Variants in SHISA6 observed in about 807,000 individuals in gnomAD.
SHISA6 encodes the protein protein shisa-6.
A neutral mutation model predicts 47.9 loss-of-function variants in SHISA6; 22 were observed. The observed-to-expected ratio is 0.46, with a 90% CI of 0.33 to 0.66. SHISA6 has a LOEUF of 0.66. Among genes scored for constraint, SHISA6 ranks in the 30% least tolerant of loss-of-function variants. SHISA6 has a pLI of 0.02. For synonymous variants in SHISA6, 388 were observed against 337.8 expected (o/e 1.15, Z -1.63); for missense variants, 680 against 764.6 (o/e 0.89, Z 1.30).
intron 3 of SHISA6, among the ~76,000 whole-genome samples, chr17:11,386,160 G>T (rs752075462): frequency 2.0e-5 from 3 of 152,166 alleles, no homozygotes; most frequent in Admixed American, 6.5e-5. Context: ...CAGATCACCT[G>T]AGGTCAAGAG....
rs559318988 is a variant in SHISA6 at position 11,460,502 on chromosome 17, C to T, written c.895+80993C>T. 1.3e-4 allele frequency among the ~76,000 whole-genome samples: 20 copies of T among 152,316 alleles called. No individual in the cohort carries two copies. In the South Asian group the frequency reaches 4.2e-3, roughly 32 times the overall value. ...CACCTCCCGGGTGCAAGCGATTCTC[C>T]TGCCTCAGCCTCCTGAGTAGCTGGG... On this transcript the variant is annotated intron_variant, in intron 3 of 5. Transcript: ENST00000441885.
chr17:11,439,716 C>T (rs1204666970), intron 3 of SHISA6, among the ~76,000 whole-genome samples: 1 of 152,178 alleles, frequency 6.6e-6, no homozygotes, highest in Non-Finnish European at 1.5e-5. Flanking sequence ...ATAAGTCCTT[C>T]CTTCCACCCT....
intron 3 of SHISA6, among the ~76,000 whole-genome samples, chr17:11,394,420 T>C (rs1469718117): frequency 2.0e-5 from 3 of 152,230 alleles, no homozygotes; most frequent in Non-Finnish European, 4.4e-5. Flanking sequence ...GACAGTCCCT[T>C]CCACCTCTGT....
intron 3 of SHISA6, among the ~76,000 whole-genome samples, chr17:11,419,399 G>A (rs971145164): frequency 6.6e-6 from 1 of 152,114 alleles, no homozygotes; most frequent in Non-Finnish European, 1.5e-5. Flanking sequence ...GGACAGGAGA[G>A]ATAGGCACTG....
At chr17:11,545,153 T>TA (rs35283114) in intron 3 of SHISA6, among the ~76,000 whole-genome samples, 60,393 of 144,244 alleles carry the variant, frequency 0.42, 12,694 homozygotes, top group East Asian at 0.59. Context: ...GTCGATGGTT[T>TA]AAAAAAAAAA....
At chr17:11,263,341 A>G (rs1379690034) in intron 1 of SHISA6, 25 bp from the exon 2 acceptor site, 1 of 1,551,292 alleles carries the variant, frequency 6.4e-7, no homozygotes. Context: ...AGTGAATCTC[A>G]TTATGTGATC....
rs1228541770 is a variant in SHISA6 at position 11,563,412 on chromosome 17, C to G, written c.*5108C>G. On this transcript the variant is annotated 3_prime_UTR_variant, in exon 6 of 6. Transcript: ENST00000441885. Reference sequence around the variant, plus strand: ...GTCCTCCCGGTGAAGGCTTGTGAAGCAAGAATGGAGAGTCCAAGTTTGTGA... The same window carrying G: ...GTCCTCCCGGTGAAGGCTTGTGAAGGAAGAATGGAGAGTCCAAGTTTGTGA... 1 of 152,158 alleles carries G rather than the reference C, an allele frequency of 6.6e-6. No individual in the cohort carries two copies. Among genetic ancestry groups the G allele is most frequent in the African/African-American group, 2.4e-5 (1 of 41,432 alleles). 9.4% of individuals were successfully genotyped at this position (152,158 alleles called of 1,614,324 possible). A position where few individuals can be genotyped will look rare whatever the true frequency, so the allele number is the denominator to read the frequency against.
At position 11,351,005 on chromosome 17, in the gene SHISA6, G is replaced by GCTGGAAACCATCATTCT. The variant is rs1300923814; in HGVS notation, c.800-28407_800-28391dup. ...ATGTCCTTGCAGAGACATGGATGAA[G>GCTGGAAACCATCATTCT]CTGGAAACCATCATTCTCAGCAAGC... On this transcript the variant is annotated intron_variant, in intron 2 of 5. Coordinates refer to ENST00000441885, the MANE Select transcript of SHISA6 (RefSeq NM_207386.4). Among the ~76,000 whole-genome samples the GCTGGAAACCATCATTCT allele has an allele frequency of 5.9e-5, 9 of 152,268 alleles. No individual in the cohort carries two copies. The South Asian group carries it at 1.7e-3, about 28-fold the overall frequency.
intron 3 of SHISA6, among the ~76,000 whole-genome samples, chr17:11,461,055 G>C (rs1214682271): frequency 6.6e-6 from 1 of 152,144 alleles, no homozygotes; most frequent in African/African-American, 2.4e-5. Context: ...CAAAGAGTGT[G>C]TGTTGAATCT....
chr17:11,333,409 C>G (rs1278368559), intron 2 of SHISA6, among the ~76,000 whole-genome samples: 1 of 152,132 alleles, frequency 6.6e-6, no homozygotes, highest in Non-Finnish European at 1.5e-5. Context: ...TTTTACCACC[C>G]CCTGCAGCCT....
chr17:11,494,856 T>C (rs2071395122), intron 3 of SHISA6, among the ~76,000 whole-genome samples: 1 of 152,144 alleles, frequency 6.6e-6, no homozygotes, highest in Non-Finnish European at 1.5e-5. Flanking sequence ...TAAAATTCAG[T>C]TCCCAGGTTG....
chr17:11,538,184 C>G (rs560664484), intron 3 of SHISA6, among the ~76,000 whole-genome samples: 32 of 152,278 alleles, frequency 2.1e-4, no homozygotes, highest in African/African-American at 7.5e-4. Context: ...CTGCCTCAGC[C>G]TCCAAAGTAG....
At chr17:11,378,356 T>G (rs991704920) in intron 2 of SHISA6, among the ~76,000 whole-genome samples, 7 of 152,078 alleles carry the variant, frequency 4.6e-5, no homozygotes. Context: ...TGCGCGCACA[T>G]GCACGCACTG....
intron 2 of SHISA6, among the ~76,000 whole-genome samples, chr17:11,305,833 T>C (rs2142181539): frequency 6.6e-6 from 1 of 152,184 alleles, no homozygotes. Context: ...GGCCAACAGC[T>C]AGGGAGGCTG....
intron 2 of SHISA6, among the ~76,000 whole-genome samples, chr17:11,344,886 A>C (rs1911648254): frequency 6.6e-6 from 1 of 152,088 alleles, no homozygotes; most frequent in South Asian, 2.1e-4. Context: ...TATTCCTCCT[A>C]TCTAGCTGTA....
intron 3 of SHISA6, among the ~76,000 whole-genome samples, chr17:11,396,558 C>T (rs777860054): frequency 7.9e-5 from 12 of 152,170 alleles, no homozygotes; most frequent in African/African-American, 2.2e-4. Context: ...CTTGAGGAAT[C>T]GCCACACTGT....
At chr17:11,486,014 T>C (rs986165346) in intron 3 of SHISA6, among the ~76,000 whole-genome samples, 5 of 152,130 alleles carry the variant, frequency 3.3e-5, no homozygotes, top group African/African-American at 1.2e-4. Flanking sequence ...TGGGAGATAA[T>C]GAGATAAACA....
chr17:11,427,222 C>G (rs1026280596), intron 3 of SHISA6, among the ~76,000 whole-genome samples: 1 of 152,110 alleles, frequency 6.6e-6, no homozygotes, highest in South Asian at 2.1e-4. Context: ...CAACCTCTGC[C>G]TCCCAGGTTC....
chr17:11,244,378 T>C (rs1269406475), intron 1 of SHISA6, among the ~76,000 whole-genome samples: 1 of 152,072 alleles, frequency 6.6e-6, no homozygotes, highest in African/African-American at 2.4e-5. Context: ...TCTACGACAC[T>C]CCATGAATGA....
Sources: allele counts gnomAD v4.1 joint callset (sites outside exome capture counted in the v4.1 genomes callset), GRCh38; gene constraint gnomAD v4.1.1; transcripts MANE v1.5; gene names NCBI Gene and HGNC (gene_info 2026-07-23, HGNC 2026-07-21).